PALS2: variants seen among roughly 807,000 people sequenced by gnomAD.
The protein encoded by PALS2 is protein associated with LIN7 2, MAGUK p55 family member.
Under a neutral mutation model 61.6 loss-of-function variants are expected in PALS2, and 27 were observed. That is an observed-to-expected ratio of 0.44 (90% CI 0.32 to 0.60). The LOEUF is 0.60. PALS2 is among the 20% of genes least tolerant of loss of function. The pLI is 0.05. For synonymous variants in PALS2, 236 were observed against 218.6 expected (o/e 1.08, Z -0.70); for missense variants, 554 against 639.4 (o/e 0.87, Z 1.44).
chr7:24,599,952 C>T (rs1378094847), intron 1 of PALS2, among the ~76,000 whole-genome samples: 1 of 152,058 alleles, frequency 6.6e-6, no homozygotes, highest in Non-Finnish European at 1.5e-5. Context: ...ACTGGAAAGT[C>T]TTCAGGGGGC....
At chr7:24,638,188 G>C (rs986367069) in intron 2 of PALS2, among the ~76,000 whole-genome samples, 2 of 151,840 alleles carry the variant, frequency 1.3e-5, no homozygotes, top group African/African-American at 2.4e-5. Flanking sequence ...AATAAATGTG[G>C]ACCTGCATTT....
intron 2 of PALS2, among the ~76,000 whole-genome samples, chr7:24,638,317 A>ATTTTTTTTTTTTTTTTT (rs1562631729): frequency 1.4e-4 from 2 of 14,254 alleles, no homozygotes; most frequent in African/African-American, 7.2e-4. Context: ...CAATTTCTGT[A>ATTTTTTTTTTTTTTTTT]TTTTCTTTTT....
At chr7:24,641,043 TTCTG>T (rs1224077129) in intron 2 of PALS2, among the ~76,000 whole-genome samples, 1 of 151,020 alleles carries the variant, frequency 6.6e-6, no homozygotes, top group Non-Finnish European at 1.5e-5. Flanking sequence ...ATTACTTACT[TTCTG>T]TGACAGTGTG....
intron 1 of PALS2, among the ~76,000 whole-genome samples, chr7:24,591,476 A>G (rs1345802192): frequency 1.3e-5 from 2 of 152,146 alleles, no homozygotes; most frequent in African/African-American, 2.4e-5. Context: ...ATTTCATCCA[A>G]TGAGTATTTA....
chr7:24,643,706 C>G (rs1175533286), intron 3 of PALS2, among the ~76,000 whole-genome samples: 1 of 152,126 alleles, frequency 6.6e-6, no homozygotes, highest in Non-Finnish European at 1.5e-5. Context: ...AAAGACCAGG[C>G]TATTGTCCTG....
At chr7:24,654,219 A>G (rs554914183) in intron 5 of PALS2, among the ~76,000 whole-genome samples, 1 of 152,104 alleles carries the variant, frequency 6.6e-6, no homozygotes, top group African/African-American at 2.4e-5. Flanking sequence ...TTAAAAAAAA[A>G]AAAAGAAACT....
chr7:24,670,059 G>A (rs187888740), intron 9 of PALS2, among the ~76,000 whole-genome samples: 2 of 152,210 alleles, frequency 1.3e-5, no homozygotes, highest in East Asian at 3.9e-4. Context: ...TCTTTTGGTT[G>A]TGTTCCATAT....
At chr7:24,591,687 G>T (rs1783293238) in intron 1 of PALS2, among the ~76,000 whole-genome samples, 2 of 152,112 alleles carry the variant, frequency 1.3e-5, no homozygotes, top group Non-Finnish European at 2.9e-5. Context: ...GCTTCTAGGG[G>T]AAATGCAGGG....
At chr7:24,615,350 G>C (rs1232566127) in intron 1 of PALS2, among the ~76,000 whole-genome samples, 5 of 151,344 alleles carry the variant, frequency 3.3e-5, no homozygotes, top group Non-Finnish European at 7.4e-5. Flanking sequence ...TTTTTAAAAA[G>C]ATAAAATCAA....
chr7:24,586,385 A>G (rs936630193), intron 1 of PALS2, among the ~76,000 whole-genome samples: 2 of 152,230 alleles, frequency 1.3e-5, no homozygotes, highest in African/African-American at 4.8e-5. Flanking sequence ...TCAGGGACTC[A>G]TTTTAGCTCT....
intron 9 of PALS2, among the ~76,000 whole-genome samples, chr7:24,672,027 G>C (rs1316980660): frequency 6.6e-6 from 1 of 150,778 alleles, no homozygotes; most frequent in Non-Finnish European, 1.5e-5. Flanking sequence ...CTGGGTTCCT[G>C]ACATTTCTAT....
chr7:24,582,692 TA>T (rs1419739743), intron 1 of PALS2, among the ~76,000 whole-genome samples: 1 of 151,984 alleles, frequency 6.6e-6, no homozygotes, highest in Non-Finnish European at 1.5e-5. Context: ...GTTACATAAA[TA>T]AAAAATTATT....
At chr7:24,592,995 G>T (rs567388123) in intron 1 of PALS2, among the ~76,000 whole-genome samples, 2 of 151,990 alleles carry the variant, frequency 1.3e-5, no homozygotes, top group Non-Finnish European at 2.9e-5. Context: ...AGATTTATTG[G>T]TAATATGTGC....
chr7:24,663,714 G>T lies in PALS2; in HGVS notation c.776G>T (p.Trp259Leu). 1 of 1,610,376 alleles carries T rather than the reference G, an allele frequency of 6.2e-7. No individual in the cohort carries two copies. The highest frequency in any genetic ancestry group is 1.1e-5 in the South Asian group (1 of 90,868). The change falls in exon 6 of 12, where the codon TGG (tryptophan) becomes TTG (leucine). Residue 259 changes from tryptophan (W) to leucine (L), a missense_variant. Coordinates refer to ENST00000222644, the MANE Select transcript of PALS2 (RefSeq NM_001303037.2). ...ATTGTAAATAGAGAAGATCCAAATT[G>T]GTGGCAGGTTAGTATGCTTCTCAGA... ...LQIVNREDPN[W>L]WQASHVKEGG...
intron 1 of PALS2, among the ~76,000 whole-genome samples, chr7:24,575,864 G>T (rs1021610026): frequency 6.6e-6 from 1 of 152,120 alleles, no homozygotes; most frequent in African/African-American, 2.4e-5. Flanking sequence ...CTATTGCTAG[G>T]TGACTTTTGA....
At chr7:24,585,767 C>T (rs533196805) in intron 1 of PALS2, among the ~76,000 whole-genome samples, 74 of 152,122 alleles carry the variant, frequency 4.9e-4, no homozygotes, top group Non-Finnish European at 8.4e-4. Flanking sequence ...GCCGAGATCT[C>T]GGCTCACTAC....
chr7:24,654,157 G>T (rs1786297023), intron 5 of PALS2, among the ~76,000 whole-genome samples: 1 of 151,048 alleles, frequency 6.6e-6, no homozygotes, highest in Non-Finnish European at 1.5e-5. Context: ...TTATTTATTG[G>T]CAATTAATTA....
chr7:24,629,409 A>G (rs1329408590), intron 2 of PALS2, among the ~76,000 whole-genome samples: 1 of 152,224 alleles, frequency 6.6e-6, no homozygotes, highest in Non-Finnish European at 1.5e-5. Flanking sequence ...AGGCAGTACC[A>G]TTCAGGGCAT....
intron 1 of PALS2, among the ~76,000 whole-genome samples, chr7:24,592,583 A>T (rs1211361100): frequency 6.6e-6 from 1 of 152,104 alleles, no homozygotes; most frequent in Non-Finnish European, 1.5e-5. Context: ...TAGATGAAGT[A>T]AGGAAAATAA....
Sources: allele counts gnomAD v4.1 joint callset (sites outside exome capture counted in the v4.1 genomes callset), GRCh38; gene constraint gnomAD v4.1.1; transcripts MANE v1.5; gene names NCBI Gene and HGNC (gene_info 2026-07-23, HGNC 2026-07-21).